Variants in UNKL observed in about 807,000 individuals in gnomAD.
UNKL encodes unk like zinc finger.
In UNKL, 60 loss-of-function variants were observed where a neutral mutation model predicts 78.0. The ratio of observed to expected loss-of-function variants is 0.77; its 90% CI spans 0.63 to 0.95. The LOEUF (loss-of-function observed/expected upper bound fraction) is 0.95, where lower values mean the gene tolerates loss of function less well. Among genes scored for constraint, UNKL ranks in the 40% least tolerant of loss-of-function variants. UNKL has a pLI of 0.00. For missense variants in UNKL, 1,159 were observed against 1,045.7 expected (o/e 1.11, Z -1.49); for synonymous variants, 608 against 474.8 (o/e 1.28, Z -3.65).
intron 2 of UNKL, among the ~76,000 whole-genome samples, chr16:1,409,345 G>A (rs1427249170): frequency 6.6e-6 from 1 of 152,124 alleles, no homozygotes; most frequent in Non-Finnish European, 1.5e-5. Context: ...GGACAAACTG[G>A]CTATTCCCTT....
intron 2 of UNKL, chr16:1,406,064 G>C (rs543487842): frequency 1.1e-5 from 5 of 456,618 alleles, no homozygotes; most frequent in Non-Finnish European, 2.2e-5. Flanking sequence ...CCCAGGGAAC[G>C]TGCGAGAACC....
chr16:1,379,735 C>A lies in UNKL; in HGVS notation c.1264+5473G>T, dbSNP rs952649005. On this transcript the variant is annotated intron_variant, in intron 10 of 14. Coordinates refer to ENST00000389221, the MANE Select transcript of UNKL (RefSeq NM_001372107.1). ...GCTGGCCCCGCCCCGCAACGTGACT[C>A]GGCCCCGCCCCCGTCGCACTGGCCA... 57 of 960,860 alleles carry A rather than the reference C, an allele frequency of 5.9e-5. No individual in the cohort carries two copies. The African/African-American group carries it at 9.0e-4, about 15-fold the overall frequency. 59.5% of individuals were successfully genotyped at this position (960,860 alleles called of 1,614,324 possible).
rs1294695306 is a variant in UNKL at position 1,363,390 on chromosome 16, C to T, written c.*2850G>A. Reference sequence around the variant, plus strand: ...GAAAATTCCATTCAAATAACATTCTCATGTAAATACTCAAACATACAGATT... The same window carrying T: ...GAAAATTCCATTCAAATAACATTCTTATGTAAATACTCAAACATACAGATT... On this transcript the variant is annotated 3_prime_UTR_variant, in exon 15 of 15. Coordinates refer to ENST00000389221, the MANE Select transcript of UNKL (RefSeq NM_001372107.1). 8 of 406,092 alleles carry T rather than the reference C, an allele frequency of 2.0e-5. No individual in the cohort carries two copies. Among genetic ancestry groups the T allele is most frequent in the Admixed American group, 3.7e-5 (1 of 27,218 alleles). The allele number at this position is 406,092 out of a possible 1,614,324, so 25.2% of individuals were successfully genotyped here. A position where few individuals can be genotyped will look rare whatever the true frequency, so the allele number is the denominator to read the frequency against.
chr16:1,398,681 A>AG, intron 5 of UNKL: 112 of 694,058 alleles, frequency 1.6e-4, no homozygotes, highest in South Asian at 3.9e-4. Context: ...TGGGGTCTGC[A>AG]CCCCCCCACC....
Position 1,387,558 on chromosome 16 carries a change from G to A in UNKL, c.1087-2173C>T, listed in dbSNP as rs1293819545. On this transcript the variant is annotated intron_variant, in intron 9 of 14. Transcript: ENST00000389221. This position sits in a 1 kb window ranked among gnomAD's most constrained non-coding sequence, Gnocchi z 4.1. The stretch of plus-strand genomic sequence containing the variant: ...GGGAGGGAGCCGACCTTCTCTACCA[G>A]CAAAGGACAGGGCCACCTGGGCTGT... Among the ~76,000 whole-genome samples the A allele has an allele frequency of 1.3e-5, 2 of 152,170 alleles. No homozygotes were observed. Among genetic ancestry groups the A allele is most frequent in the African/African-American group, 4.8e-5 (2 of 41,426 alleles).
At chr16:1,407,568 C>T (rs888863787) in intron 2 of UNKL, among the ~76,000 whole-genome samples, 6 of 151,846 alleles carry the variant, frequency 4.0e-5, no homozygotes, top group Admixed American at 6.6e-5. Flanking sequence ...TGGTGGTGTG[C>T]GCCTATGGTC....
intron 9 of UNKL, among the ~76,000 whole-genome samples, 170 bp downstream of exon 9, chr16:1,390,462 T>C (rs1872112222): frequency 1.3e-5 from 2 of 152,100 alleles, no homozygotes; most frequent in Non-Finnish European, 2.9e-5. Context: ...AAAGAGCTAA[T>C]TCTACAACAA....
chr16:1,387,381 G>A lies in UNKL; in HGVS notation c.1087-1996C>T, dbSNP rs750233473. ...CCTGGTGCCATCTCAGTGGCAACCC[G>A]CCCCCTATCCCTTGCACTTCCTGTC... is the stretch of plus-strand genomic sequence containing the variant. On this transcript the variant is annotated intron_variant, in intron 9 of 14. Coordinates refer to ENST00000389221, the MANE Select transcript of UNKL (RefSeq NM_001372107.1). This position sits in a 1 kb window ranked among gnomAD's most constrained non-coding sequence, Gnocchi z 4.1. Among the ~76,000 whole-genome samples the A allele has an allele frequency of 2.6e-5, 4 of 152,154 alleles. No homozygotes were observed. Among genetic ancestry groups the A allele is most frequent in the Non-Finnish European group, 5.9e-5 (4 of 68,016 alleles).
intron 3 of UNKL, among the ~76,000 whole-genome samples, chr16:1,402,238 C>T (rs1228287543): frequency 7.1e-6 from 1 of 140,500 alleles, no homozygotes; most frequent in Non-Finnish European, 1.5e-5. Flanking sequence ...GGACTGTCTG[C>T]CCCAGACTGT....
chr16:1,401,536 A>G (rs111930031), intron 4 of UNKL, 32 bp downstream of exon 4: 15 of 1,438,344 alleles, frequency 1.0e-5, no homozygotes, highest in African/African-American at 4.6e-5. Context: ...CGCCCCCCCC[A>G]CCACCGCCCT....
At chr16:1,367,903 C>T (rs776307767) in intron 12 of UNKL, 45 bp from the exon 13 acceptor site, 23 of 1,498,670 alleles carry the variant, frequency 1.5e-5, no homozygotes, top group Admixed American at 4.0e-5. Context: ...GCTGTGCTCG[C>T]GGCCTGGTGG....
At chr16:1,411,609 G>A (rs763092644) in intron 2 of UNKL, among the ~76,000 whole-genome samples, 2 of 151,984 alleles carry the variant, frequency 1.3e-5, no homozygotes, top group African/African-American at 4.8e-5. Context: ...GGCAGATCAC[G>A]AGGTCAGAAG....
Position 1,366,227 on chromosome 16 carries a change from G to T in UNKL, c.*13C>A, listed in dbSNP as rs751466928. On this transcript the variant is annotated 3_prime_UTR_variant, in exon 15 of 15. Transcript: ENST00000389221. ...CCAGGGTGCCCAGCAGGAGGTGGCT[G>T]TCCCCGCTGAGGTCACCACTGCAGG... 6.6e-7 allele frequency: 1 copy of T among 1,516,584 alleles called. No homozygotes were observed. The highest frequency in any genetic ancestry group is 8.9e-7 in the Non-Finnish European group (1 of 1,125,810). The allele number at this position is 1,516,584 out of a possible 1,614,324, so 93.9% of individuals were successfully genotyped here. A position where few individuals can be genotyped will look rare whatever the true frequency, so the allele number is the denominator to read the frequency against.
chr16:1,409,666 T>C (rs565507750), intron 2 of UNKL, among the ~76,000 whole-genome samples: 145 of 152,250 alleles, frequency 9.5e-4, no homozygotes, highest in African/African-American at 3.3e-3. Context: ...TGAGCACAGC[T>C]TGAAGTGACC....
At chr16:1,385,432 G>T (rs750104930) in intron 9 of UNKL, 47 bp from the exon 10 acceptor site, 1 of 1,285,208 alleles carries the variant, frequency 7.8e-7, no homozygotes, top group South Asian at 2.3e-5. Context: ...CTGCGTGGAG[G>T]AGGCAGCGCC....
At chr16:1,398,240 G>A (rs560337636) in intron 5 of UNKL, 7 of 931,606 alleles carry the variant, frequency 7.5e-6, no homozygotes, top group East Asian at 2.3e-4. Flanking sequence ...CTGCACCACC[G>A]CACTCCAGCC....
At chr16:1,370,407 C>T in intron 11 of UNKL, 50 bp from the exon 12 acceptor site, 1 of 1,511,878 alleles carries the variant, frequency 6.6e-7, no homozygotes, top group Non-Finnish European at 8.8e-7. Context: ...GGCCTCTGCC[C>T]AAACATCTGC....
At chr16:1,376,729 T>C (rs148915310) in intron 10 of UNKL, among the ~76,000 whole-genome samples, 3,170 of 152,068 alleles carry the variant, frequency 0.021, 44 homozygotes, top group Middle Eastern at 0.048. Context: ...CGCCTGATGC[T>C]GCGGATAGCA....
intron 10 of UNKL, among the ~76,000 whole-genome samples, chr16:1,375,754 C>G (rs1308782120): frequency 6.6e-6 from 1 of 152,226 alleles, no homozygotes; most frequent in South Asian, 2.1e-4. Flanking sequence ...TGCTCATCGG[C>G]GGAGCCAAAG....
Sources: allele counts gnomAD v4.1 joint callset (sites outside exome capture counted in the v4.1 genomes callset), GRCh38; gene constraint gnomAD v4.1.1; non-coding constraint Gnocchi (gnomAD v3.1); transcripts MANE v1.5; gene names NCBI Gene and HGNC (gene_info 2026-07-23, HGNC 2026-07-21).